The following ITGA9 variants were observed in gnomAD, a reference collection of about 807,000 sequenced individuals.
ITGA9 encodes the protein integrin subunit alpha 9.
ITGA9 carries 56 observed loss-of-function variants against 127.8 expected under a neutral mutation model. That is an observed-to-expected ratio of 0.44 (90% confidence interval 0.35 to 0.55). ITGA9 has a LOEUF of 0.55. Ranked by LOEUF, ITGA9 falls within the 20% of genes least tolerant of loss-of-function variation. The pLI is 0.00. For missense variants in ITGA9, 1,196 were observed against 1,347.1 expected (o/e 0.89, Z 1.76); for synonymous variants, 508 against 514.5 (o/e 0.99, Z 0.17).
At chr3:37,593,895 C>G (rs1699844291) in intron 15 of ITGA9, among the ~76,000 whole-genome samples, 1 of 152,152 alleles carries the variant, frequency 6.6e-6, no homozygotes, top group Non-Finnish European at 1.5e-5. Flanking sequence ...TGGCCTTGGC[C>G]TCTTTGCTTT....
In ITGA9 at chr3:37,793,961, G is replaced by A. The variant is rs181164123; in HGVS notation, c.2889+8883G>A. ...GGCTGGGCAGGCCAAATCAAGAGAG[G>A]GGACCCAAAAGGATCTGGGCAGAGA... is the stretch of plus-strand genomic sequence containing the variant. On this transcript the variant is annotated intron_variant, in intron 26 of 27. Transcript: ENST00000264741. Among the ~76,000 whole-genome samples the A allele has an allele frequency of 1.8e-3, 267 of 152,288 alleles. 1 individual carries two copies. The highest frequency in any genetic ancestry group is 5.9e-3 in the African/African-American group (244 of 41,556).
intron 26 of ITGA9, 72 bp from the exon 27 acceptor site, chr3:37,803,751 G>A: frequency 6.3e-7 from 1 of 1,580,220 alleles, no homozygotes; most frequent in Non-Finnish European, 8.6e-7. Context: ...TCCAGCCTGG[G>A]TGACAGAACA....
chr3:37,712,424 A>G (rs1473547418), intron 18 of ITGA9, among the ~76,000 whole-genome samples: 2 of 152,124 alleles, frequency 1.3e-5, no homozygotes, highest in African/African-American at 4.8e-5. Context: ...CCTTTTTTCT[A>G]GGGCCTTGAT....
intron 23 of ITGA9, among the ~76,000 whole-genome samples, chr3:37,775,507 A>T (rs547841285): frequency 8.5e-5 from 13 of 152,120 alleles, no homozygotes; most frequent in South Asian, 4.2e-4. Context: ...TTAGCCGGGC[A>T]TGGTGGCAGG....
At chr3:37,555,123 A>G (rs201970277) in intron 15 of ITGA9, among the ~76,000 whole-genome samples, 1 of 137,896 alleles carries the variant, frequency 7.3e-6, no homozygotes, top group Admixed American at 7.0e-5. Context: ...CAGCCATTGT[A>G]TGTGTTTTTC....
At chr3:37,487,101 T>C (rs1698617762) in intron 4 of ITGA9, among the ~76,000 whole-genome samples, 1 of 152,244 alleles carries the variant, frequency 6.6e-6, no homozygotes, top group Admixed American at 6.5e-5. Context: ...TGTTTTTGTT[T>C]TGGAGAGAAC....
intron 20 of ITGA9, among the ~76,000 whole-genome samples, chr3:37,740,654 G>A (rs1020174830): frequency 1.3e-5 from 2 of 152,178 alleles, no homozygotes; most frequent in Non-Finnish European, 2.9e-5. Context: ...ACCTGTCAAA[G>A]GTGGGTGCTC....
At chr3:37,758,316 C>T (rs1488519093) in intron 23 of ITGA9, among the ~76,000 whole-genome samples, 1 of 100,776 alleles carries the variant, frequency 9.9e-6, no homozygotes, top group South Asian at 3.3e-4. Context: ...GGCGACAGAG[C>T]GAGACTCCGT....
At chr3:37,790,336 T>G in intron 26 of ITGA9, 1 of 530,814 alleles carries the variant, frequency 1.9e-6, no homozygotes, top group East Asian at 5.1e-5. Context: ...CAGGAGGCTG[T>G]TGGTAGAGGG....
intron 15 of ITGA9, among the ~76,000 whole-genome samples, chr3:37,552,159 C>T (rs139581558): frequency 2.1e-4 from 32 of 152,230 alleles, no homozygotes; most frequent in South Asian, 1.0e-3. Flanking sequence ...GTGGCAGTGA[C>T]GCGTCGGTGC....
intron 15 of ITGA9, chr3:37,585,697 A>G (rs1311158327): frequency 9.9e-6 from 5 of 505,408 alleles, no homozygotes; most frequent in East Asian, 5.9e-5. Context: ...AAACGTAACA[A>G]TAGTAATTGC....
At chr3:37,775,539 G>A (rs549446133) in intron 23 of ITGA9, among the ~76,000 whole-genome samples, 7 of 151,916 alleles carry the variant, frequency 4.6e-5, no homozygotes, top group East Asian at 1.9e-4. Context: ...CCAGCTACTC[G>A]GGAGGCTGAG....
rs866932809 is a variant in ITGA9, at chr3:37,470,892, T to C, written c.186-115T>C. ...GCCCACACAGAAAAGTATAATAATA[T>C]GATTTTCAAAGTGAGCACTCAGAGA... On this transcript the variant is annotated intron_variant, in intron 1 of 27. Coordinates refer to ENST00000264741, the MANE Select transcript of ITGA9 (RefSeq NM_002207.3). The C allele has an allele frequency of 4.0e-5, 41 of 1,020,000 alleles. 1 individual carries two copies. In the Middle Eastern group the frequency reaches 3.4e-3, roughly 84 times the overall value. The allele number at this position is 1,020,000 out of a possible 1,614,324, so 63.2% of individuals were successfully genotyped here.
chr3:37,471,482 A>T (rs990627894), intron 2 of ITGA9, among the ~76,000 whole-genome samples: 6 of 152,160 alleles, frequency 3.9e-5, no homozygotes, highest in African/African-American at 1.4e-4. Context: ...CATGATTAGA[A>T]GGATGCGTAG....
chr3:37,528,771 A>G (rs1253309100), intron 13 of ITGA9, among the ~76,000 whole-genome samples: 1 of 152,228 alleles, frequency 6.6e-6, no homozygotes, highest in Non-Finnish European at 1.5e-5. Flanking sequence ...GTATTAAGGT[A>G]GAATTTGCAT....
chr3:37,614,878 A>G (rs1442992214), intron 15 of ITGA9, among the ~76,000 whole-genome samples: 6 of 152,044 alleles, frequency 3.9e-5, no homozygotes, highest in Non-Finnish European at 7.4e-5. Flanking sequence ...GAGATGATGG[A>G]GTTTTCTAGA....
chr3:37,764,372 A>T (rs1177756597), intron 23 of ITGA9, among the ~76,000 whole-genome samples: 1 of 147,920 alleles, frequency 6.8e-6, no homozygotes, highest in East Asian at 2.0e-4. Flanking sequence ...CTGGTTTACT[A>T]TCTGAGAACT....
intron 9 of ITGA9, 76 bp downstream of exon 9, chr3:37,513,976 C>T (rs1698960089): frequency 3.8e-6 from 6 of 1,574,096 alleles, no homozygotes; most frequent in Admixed American, 3.3e-5. Flanking sequence ...GCCGAGCACC[C>T]CTCTGGGCCG....
Position 37,558,154 on chromosome 3 carries a change from G to A in ITGA9, c.1689+15569G>A, listed in dbSNP as rs552670295. 2.0e-5 allele frequency among the ~76,000 whole-genome samples: 3 copies of A among 152,322 alleles called. No homozygotes were observed. The South Asian group carries it at 6.2e-4, about 32-fold the overall frequency. On this transcript the variant is annotated intron_variant, in intron 15 of 27. Transcript: ENST00000264741. ...CTCAATGTGGGTCTGTGAGTCCAGGGCAGGCAGGAGTCCTGGGGACTGGAG... is the reference window on the plus strand; with the variant it reads ...CTCAATGTGGGTCTGTGAGTCCAGGACAGGCAGGAGTCCTGGGGACTGGAG...
Sources: allele counts gnomAD v4.1 joint callset (sites outside exome capture counted in the v4.1 genomes callset), GRCh38; gene constraint gnomAD v4.1.1; transcripts MANE v1.5; gene names NCBI Gene and HGNC (gene_info 2026-07-23, HGNC 2026-07-21).